Variants in LINGO2 observed in about 807,000 individuals in gnomAD.
The protein encoded by LINGO2 is leucine rich repeat and Ig domain containing 2.
A neutral mutation model predicts 30.6 loss-of-function variants in LINGO2; 14 were observed. That is an observed-to-expected ratio of 0.46 (90% CI 0.30 to 0.72). The LOEUF (loss-of-function observed/expected upper bound fraction) is 0.72. Among genes scored for constraint, LINGO2 ranks in the 30% least tolerant of loss-of-function variants. The pLI is 0.07. For synonymous variants in LINGO2, 317 were observed against 288.5 expected (o/e 1.10, Z -1.00); for missense variants, 729 against 751.7 (o/e 0.97, Z 0.35).
the LINGO2 span, among the ~76,000 whole-genome samples, chr9:28,757,610 A>G: frequency 6.6e-6 from 1 of 151,976 alleles, no homozygotes; most frequent in African/African-American, 2.4e-5. Context: ...TACTAATTCT[A>G]ATTTTTCTCC....
intron 4 of LINGO2, among the ~76,000 whole-genome samples, chr9:28,239,246 T>G (rs574961573): frequency 2.0e-5 from 3 of 152,118 alleles, no homozygotes; most frequent in African/African-American, 7.2e-5. Flanking sequence ...CAGACTGTTC[T>G]GAAAAATAGA....
chr9:28,877,406 T>C, the LINGO2 span, among the ~76,000 whole-genome samples: 1 of 152,072 alleles, frequency 6.6e-6, no homozygotes, highest in Admixed American at 6.5e-5. Flanking sequence ...AAGTCGTTAA[T>C]CCATCTTGAA....
At chr9:28,589,407 G>A (rs373618018) in intron 1 of LINGO2, among the ~76,000 whole-genome samples, 34 of 152,188 alleles carry the variant, frequency 2.2e-4, no homozygotes, top group African/African-American at 6.7e-4. Flanking sequence ...AAACCCAATC[G>A]TCTCAGCTCA....
the LINGO2 span, among the ~76,000 whole-genome samples, chr9:29,139,031 T>C: frequency 6.6e-6 from 1 of 152,190 alleles, no homozygotes; most frequent in Admixed American, 6.6e-5. Context: ...TTGCACACTC[T>C]TTTGCTCACT....
chr9:28,585,250 T>C (rs1303770548), intron 1 of LINGO2, among the ~76,000 whole-genome samples: 2 of 152,052 alleles, frequency 1.3e-5, no homozygotes, highest in Non-Finnish European at 1.5e-5. Flanking sequence ...GCATCTTGTA[T>C]TCTATTTGAT....
chr9:28,467,036 G>T (rs796138496), intron 2 of LINGO2, among the ~76,000 whole-genome samples: 191 of 98,516 alleles, frequency 1.9e-3, no homozygotes, highest in Middle Eastern at 8.9e-3. Context: ...CTTTTTTTTT[G>T]GGGGGGGGGG....
chr9:28,931,973 T>C, the LINGO2 span, among the ~76,000 whole-genome samples: 1 of 151,606 alleles, frequency 6.6e-6, no homozygotes, highest in Non-Finnish European at 1.5e-5. Flanking sequence ...CCTGGTGTGG[T>C]GGCACGCACC....
At chr9:28,400,540 A>G (rs10812803) in intron 2 of LINGO2, among the ~76,000 whole-genome samples, 63,934 of 151,796 alleles carry the variant, frequency 0.42, 13,790 homozygotes, top group Middle Eastern at 0.56. Flanking sequence ...TTTGTTGGAG[A>G]GTTAAGAATA....
chr9:28,084,977 A>G (rs1033612855), intron 4 of LINGO2, among the ~76,000 whole-genome samples: 11 of 152,162 alleles, frequency 7.2e-5, no homozygotes, highest in Non-Finnish European at 1.2e-4. Context: ...GAATTGCTAT[A>G]TAAGGTACTC....
the LINGO2 span, among the ~76,000 whole-genome samples, chr9:28,925,061 T>C: frequency 1.3e-5 from 2 of 152,214 alleles, no homozygotes; most frequent in East Asian, 3.9e-4. Context: ...TGTGAATCAA[T>C]GAATTTGTTA....
the LINGO2 span, among the ~76,000 whole-genome samples, chr9:29,137,027 C>T: frequency 6.6e-6 from 1 of 152,112 alleles, no homozygotes; most frequent in African/African-American, 2.4e-5. Context: ...TCCAAGAAAA[C>T]ACATACTAAG....
chr9:28,103,425 G>A (rs1055445032), intron 4 of LINGO2, among the ~76,000 whole-genome samples: 3 of 152,038 alleles, frequency 2.0e-5, no homozygotes, highest in African/African-American at 7.2e-5. Context: ...CCCAACCGAG[G>A]CCCTAAGAAG....
chr9:28,395,051 A>G (rs10812801), intron 2 of LINGO2, among the ~76,000 whole-genome samples: 16,912 of 152,264 alleles, frequency 0.11, 1,001 homozygotes, highest in East Asian at 0.21. Context: ...CACTTGAGAA[A>G]AAAACTTAGA....
intron 4 of LINGO2, among the ~76,000 whole-genome samples, chr9:28,175,953 T>C (rs76791169): frequency 0.092 from 14,081 of 152,244 alleles, 815 homozygotes; most frequent in East Asian, 0.19. Context: ...TTGTTTATAC[T>C]GATATGACCT....
chr9:29,045,635 T>C, the LINGO2 span, among the ~76,000 whole-genome samples: 1 of 151,882 alleles, frequency 6.6e-6, no homozygotes, highest in Non-Finnish European at 1.5e-5. Flanking sequence ...GGTTCTACTT[T>C]GGTTTCATAT....
the LINGO2 span, among the ~76,000 whole-genome samples, chr9:29,099,525 G>A: frequency 6.6e-6 from 1 of 151,884 alleles, no homozygotes; most frequent in African/African-American, 2.4e-5. Flanking sequence ...GGAGAGCAAA[G>A]AACTCTATAT....
chr9:28,243,406 G>T (rs1821875365), intron 4 of LINGO2, among the ~76,000 whole-genome samples: 1 of 150,656 alleles, frequency 6.6e-6, no homozygotes, highest in African/African-American at 2.5e-5. Flanking sequence ...GTTACAGTGA[G>T]CCAAGATCGT....
At chr9:28,524,913 C>G (rs1407841586) in intron 1 of LINGO2, among the ~76,000 whole-genome samples, 1 of 151,876 alleles carries the variant, frequency 6.6e-6, no homozygotes, top group Non-Finnish European at 1.5e-5. Context: ...ATATATGAAT[C>G]ACAAATAAGC....
the LINGO2 span, among the ~76,000 whole-genome samples, chr9:28,706,829 A>G: frequency 3.9e-5 from 6 of 152,054 alleles, no homozygotes; most frequent in Non-Finnish European, 8.8e-5. Flanking sequence ...TTCTCAAACT[A>G]TTAGCCCTGA....
Sources: gnomAD v4.1 joint callset for allele counts (sites outside exome capture counted in the v4.1 genomes callset) on GRCh38, gnomAD v4.1.1 for gene constraint, MANE v1.5 for transcripts, NCBI Gene and HGNC (gene_info 2026-07-23, HGNC 2026-07-21) for gene names.